Variants in PSME4 observed in about 807,000 individuals in gnomAD.
PSME4 encodes the protein proteasome activator complex subunit 4.
In PSME4, 89 loss-of-function variants were observed where a neutral mutation model predicts 253.9. The ratio of observed to expected loss-of-function variants is 0.35; its 90% CI spans 0.30 to 0.42. PSME4 has a LOEUF of 0.42. Ranked by LOEUF, PSME4 falls within the 10% of genes least tolerant of loss-of-function variation. PSME4 has a pLI of 1.00. For missense variants in PSME4, 2,014 were observed against 2,195.2 expected (o/e 0.92, Z 1.65); for synonymous variants, 851 against 759.2 (o/e 1.12, Z -1.99).
chr2:53,869,002 C>T (rs1288888839), intron 44 of PSME4, among the ~76,000 whole-genome samples: 1 of 152,102 alleles, frequency 6.6e-6, no homozygotes, highest in Non-Finnish European at 1.5e-5. Context: ...AAAAACAAGG[C>T]TTGCTTTAGT....
chr2:53,871,669 T>A (rs1468013662), intron 43 of PSME4, among the ~76,000 whole-genome samples: 1 of 152,152 alleles, frequency 6.6e-6, no homozygotes, highest in Non-Finnish European at 1.5e-5. Context: ...CCTATTACGT[T>A]CCTATAAATA....
rs1055861609 is a variant in PSME4, at chr2:53,885,879, T to G, written c.4730-104A>C. On this transcript the variant is annotated intron_variant, in intron 40 of 46. Transcript: ENST00000404125. ...ATTGTCATACAGCCACTCTGACAGCTCTTCGGTGCTATGAAAGATATCATC... is the reference window on the plus strand; with the variant it reads ...ATTGTCATACAGCCACTCTGACAGCGCTTCGGTGCTATGAAAGATATCATC... 4 of 680,920 alleles carry G rather than the reference T, an allele frequency of 5.9e-6. No individual in the cohort carries two copies. In the South Asian group the frequency reaches 6.1e-5, roughly 10 times the overall value. The allele number at this position is 680,920 out of a possible 1,614,324, so 42.2% of individuals were successfully genotyped here.
intron 40 of PSME4, among the ~76,000 whole-genome samples, chr2:53,885,999 G>A (rs1454766029): frequency 6.6e-6 from 1 of 152,184 alleles, no homozygotes; most frequent in Non-Finnish European, 1.5e-5. Flanking sequence ...ACATTATCCA[G>A]AGAGTAGAAA....
Position 53,970,831 on chromosome 2 carries a change from G to T in PSME4, c.-47C>A. 2.9e-6 allele frequency: 3 copies of T among 1,024,230 alleles called. No homozygotes were observed. Among genetic ancestry groups the T allele is most frequent in the Non-Finnish European group, 3.7e-6 (3 of 821,866 alleles). The allele number at this position is 1,024,230 out of a possible 1,614,324, so 63.4% of individuals were successfully genotyped here. A position where few individuals can be genotyped will look rare whatever the true frequency, so the allele number is the denominator to read the frequency against. On this transcript the variant is annotated 5_prime_UTR_variant, in exon 1 of 47. Transcript: ENST00000404125. The stretch of plus-strand genomic sequence containing the variant: ...ACCCCCTCCCACCCGAACCCTCCCC[G>T]GCCCCCACCCCTCTCCGGGCTCCGC...
chr2:53,921,044 G>C lies in PSME4; in HGVS notation c.2107C>G (p.Gln703Glu). The C allele has an allele frequency of 6.2e-7, 1 of 1,614,004 alleles. No homozygotes were observed. Among genetic ancestry groups the C allele is most frequent in the Non-Finnish European group, 8.5e-7 (1 of 1,179,990 alleles). ...LYREQLVKILQRTLHLTCKQG... is the reference protein window; with the variant it reads ...LYREQLVKILERTLHLTCKQG... ...TTACAGGTTAAATGTAGGGTTCTTT[G>C]GAGAATCTTTACAAGCTGCTCCCTA... is the stretch of plus-strand genomic sequence containing the variant. Residue 703 changes from glutamine to glutamate, a missense_variant, in exon 18 of 47, where the codon CAA becomes GAA. By Grantham distance (29) the Gln-to-Glu change is conservative. Transcript: ENST00000404125.
chr2:53,923,913 C>CAAAAAAAAAAAAAA (rs199929436), intron 14 of PSME4, among the ~76,000 whole-genome samples: 1 of 96,878 alleles, frequency 1.0e-5, no homozygotes, highest in African/African-American at 4.5e-5. Flanking sequence ...ACAGAGTTAA[C>CAAAAAAAAAAAAAA]AAAAAAAAAA....
chr2:53,913,447 T>C (rs146746294), intron 20 of PSME4, among the ~76,000 whole-genome samples: 64 of 152,308 alleles, frequency 4.2e-4, no homozygotes, highest in Admixed American at 1.2e-3. Context: ...GCTGGGCGAA[T>C]TGTCATGAAA....
At position 53,941,468 on chromosome 2, in the gene PSME4, C is replaced by T. The variant is rs376579053; in HGVS notation, c.501-1468G>A. ...AACAGGGCAAACTTCTATCCAACTA[C>T]GTTTAAAGCTCCCTGAAGACCACAG... On this transcript the variant is annotated intron_variant, in intron 3 of 46. Coordinates refer to ENST00000404125, the MANE Select transcript of PSME4 (RefSeq NM_014614.3). 1.7e-4 allele frequency among the ~76,000 whole-genome samples: 26 copies of T among 151,914 alleles called. No individual in the cohort carries two copies. The East Asian group carries it at 3.9e-3, about 23-fold the overall frequency.
At chr2:53,958,660 T>C (rs113061790) in intron 1 of PSME4, among the ~76,000 whole-genome samples, 1,703 of 152,232 alleles carry the variant, frequency 0.011, 20 homozygotes, top group Non-Finnish European at 0.017. Flanking sequence ...ATTCTGAATC[T>C]AGATCAAAAG....
At chr2:53,911,149 A>C (rs1441895065) in intron 20 of PSME4, among the ~76,000 whole-genome samples, 1 of 152,230 alleles carries the variant, frequency 6.6e-6, no homozygotes. Flanking sequence ...AGGTAAAAAC[A>C]TATTTCTAAA....
At chr2:53,888,138 CT>C in intron 38 of PSME4, 149 bp from the exon 39 acceptor site, 1 of 660,834 alleles carries the variant, frequency 1.5e-6, no homozygotes, top group Non-Finnish European at 2.2e-6. Flanking sequence ...AAAATAGCCT[CT>C]TTATGAAGAT....
intron 1 of PSME4, among the ~76,000 whole-genome samples, chr2:53,950,471 T>C (rs538881030): frequency 5.3e-5 from 8 of 152,340 alleles, no homozygotes; most frequent in African/African-American, 1.7e-4. Flanking sequence ...TTTAATATTT[T>C]ATCCAAAATT....
chr2:53,877,711 CA>C (rs1679201412), intron 41 of PSME4, among the ~76,000 whole-genome samples: 1 of 151,980 alleles, frequency 6.6e-6, no homozygotes, highest in Non-Finnish European at 1.5e-5. Context: ...ACAGACAGGC[CA>C]AAGACAGAGC....
chr2:53,894,398 A>G (rs892031745), intron 34 of PSME4, among the ~76,000 whole-genome samples: 2 of 152,124 alleles, frequency 1.3e-5, no homozygotes, highest in African/African-American at 4.8e-5. Context: ...TAGCCTCCCA[A>G]GTAGCTGGGA....
chr2:53,888,950 T>A (rs142113705), intron 37 of PSME4, 138 bp from the exon 38 acceptor site: 1 of 636,434 alleles, frequency 1.6e-6, no homozygotes, highest in Admixed American at 2.6e-5. Context: ...AGTGGTATGA[T>A]TGCCTCCCAG....
intron 8 of PSME4, among the ~76,000 whole-genome samples, chr2:53,933,886 T>C (rs767978465): frequency 1.6e-4 from 25 of 152,218 alleles, no homozygotes; most frequent in Admixed American, 1.3e-4. Context: ...GATTTTTCTG[T>C]GTAACAATAA....
At chr2:53,959,846 C>T (rs1416827954) in intron 1 of PSME4, among the ~76,000 whole-genome samples, 2 of 152,170 alleles carry the variant, frequency 1.3e-5, no homozygotes, top group Non-Finnish European at 2.9e-5. Context: ...ACAATAATGA[C>T]TCAAACAGTT....
intron 3 of PSME4, among the ~76,000 whole-genome samples, chr2:53,943,111 G>A (rs1319714499): frequency 6.6e-6 from 1 of 152,138 alleles, no homozygotes; most frequent in African/African-American, 2.4e-5. Flanking sequence ...TCTAAACCAG[G>A]GAAAAGTATA....
intron 20 of PSME4, among the ~76,000 whole-genome samples, chr2:53,916,477 C>A (rs1053933826): frequency 6.6e-6 from 1 of 152,100 alleles, no homozygotes; most frequent in African/African-American, 2.4e-5. Context: ...AACTAATGTG[C>A]TAAGTTAATT....
Sources: allele counts gnomAD v4.1 joint callset (sites outside exome capture counted in the v4.1 genomes callset), GRCh38; gene constraint gnomAD v4.1.1; transcripts MANE v1.5; gene names NCBI Gene and HGNC (gene_info 2026-07-23, HGNC 2026-07-21).